The following AXIN2 variants were observed in gnomAD, a reference collection of about 807,000 sequenced individuals.
AXIN2 encodes the protein axin-2.
A neutral mutation model predicts 74.7 loss-of-function variants in AXIN2; 21 were observed. The ratio of observed to expected loss-of-function variants is 0.28; its 90% CI spans 0.20 to 0.40. AXIN2 has a LOEUF of 0.40. AXIN2 is among the 10% of genes least tolerant of loss of function. AXIN2 has a pLI of 1.00. For missense variants in AXIN2, 1,144 were observed against 1,111.1 expected (o/e 1.03, Z -0.42); for synonymous variants, 532 against 454.9 (o/e 1.17, Z -2.16).
chr17:65,538,477 C>T (rs1412288844), intron 4 of AXIN2, 134 bp from the exon 5 acceptor site: 18 of 1,206,370 alleles, frequency 1.5e-5, no homozygotes, highest in Non-Finnish European at 2.0e-5. Flanking sequence ...GGCAAGGCGG[C>T]CTGGGCTGCT....
At position 65,536,450 on chromosome 17, in the gene AXIN2, G is replaced by A. The variant is rs754506970; in HGVS notation, c.2011C>T (p.Arg671Cys). 28 of 1,612,746 alleles carry A rather than the reference G, an allele frequency of 1.7e-5. No homozygotes were observed. In the East Asian group the frequency reaches 2.7e-4, roughly 15 times the overall value. The change falls in exon 8 of 11, where the codon CGC becomes TGC. Residue 671 changes from arginine (R) to cysteine (C), a missense_variant. Transcript: ENST00000307078. ...HLWGGNSGHP[R>C]TTPRAHLFTQ... ...AACAGGTGGGCACGGGGGGTGGTGC[G>A]GGGGTGCCCGCTGTTGCCCCCCCAC...
chr17:65,541,592 A>G, intron 3 of AXIN2, 35 bp from the exon 4 acceptor site: 1 of 1,574,508 alleles, frequency 6.4e-7, no homozygotes, highest in South Asian at 1.1e-5. Context: ...CCACAGGCTT[A>G]CGAGGATGTT....
chr17:65,528,680 C>T lies in AXIN2; in HGVS notation c.*1296G>A, dbSNP rs1354758543. ...TGCATAATTTACAGTATAAGTAGAACAAAATGTCATGACAAAAGTCATTGA... is the reference window on the plus strand; with the variant it reads ...TGCATAATTTACAGTATAAGTAGAATAAAATGTCATGACAAAAGTCATTGA... On this transcript the variant is annotated 3_prime_UTR_variant, in exon 11 of 11. Transcript: ENST00000307078. 2 of 513,796 alleles carry T rather than the reference C, an allele frequency of 3.9e-6. No homozygotes were observed. The highest frequency in any genetic ancestry group is 1.6e-5 in the South Asian group (1 of 61,252). The allele number at this position is 513,796 out of a possible 1,614,324, so 31.8% of individuals were successfully genotyped here.
intron 5 of AXIN2, 23 bp downstream of exon 5, chr17:65,538,180 G>C (rs1345824006): frequency 1.2e-6 from 2 of 1,614,050 alleles, no homozygotes; most frequent in Non-Finnish European, 1.7e-6. Flanking sequence ...ACGGAAGCAG[G>C]AAGAAGGCCT....
At chr17:65,552,736 C>A (rs558840289) in intron 2 of AXIN2, among the ~76,000 whole-genome samples, 2 of 152,244 alleles carry the variant, frequency 1.3e-5, no homozygotes, top group Non-Finnish European at 1.5e-5. Flanking sequence ...CCAACAAAAA[C>A]AGAGAGCCCC....
At position 65,558,447 on chromosome 17, in the gene AXIN2, G is replaced by C. The variant is rs763012548; in HGVS notation, c.174C>G (p.Asn58Lys). 2 of 1,599,468 alleles carry C rather than the reference G, an allele frequency of 1.3e-6. No individual in the cohort carries two copies. Among genetic ancestry groups the C allele is most frequent in the Non-Finnish European group, 8.5e-7 (1 of 1,170,884 alleles). ...CCTCCGGCTCCCCCAACCCATCTTC[G>C]TTCCGCCTGGTGTTGGAAGAGACAG... Reference protein sequence around the residue: ...PMPVSSNTRRNEDGLGEPEGR... With the variant: ...PMPVSSNTRRKEDGLGEPEGR... Residue 58 changes from asparagine to lysine, a missense_variant, in exon 2 of 11, where the codon AAC becomes AAG. Coordinates refer to ENST00000307078, the MANE Select transcript of AXIN2 (RefSeq NM_004655.4).
intron 4 of AXIN2, among the ~76,000 whole-genome samples, chr17:65,538,672 A>C: frequency 5.3e-5 from 2 of 37,892 alleles, no homozygotes; most frequent in Non-Finnish European, 1.5e-4. Flanking sequence ...ACCATCAAAA[A>C]AAAAAAAAAA....
chr17:65,530,153 G>A, intron 10 of AXIN2, 51 bp from the exon 11 acceptor site: 1 of 1,610,454 alleles, frequency 6.2e-7, no homozygotes. Context: ...TTTCCACATT[G>A]TTGAAAAGAA....
chr17:65,559,712 G>A (rs979318880), intron 1 of AXIN2, among the ~76,000 whole-genome samples: 1 of 152,298 alleles, frequency 6.6e-6, no homozygotes, highest in East Asian at 1.9e-4. Context: ...AAAGAAAAAA[G>A]TCTTATCTAA....
At position 65,545,619 on chromosome 17, in the gene AXIN2, G is replaced by A. The variant is rs572568206; in HGVS notation, c.956+3901C>T. Among the ~76,000 whole-genome samples the A allele has an allele frequency of 1.0e-3, 155 of 152,164 alleles. No homozygotes were observed. In the East Asian group the frequency reaches 0.029, roughly 28 times the overall value. ...TCCAGTGAGCCAAGATCGCGCCACT[G>A]CACTCCAGCCTGGCAACAGAGTGAG... On this transcript the variant is annotated intron_variant, in intron 3 of 10. Coordinates refer to ENST00000307078, the MANE Select transcript of AXIN2 (RefSeq NM_004655.4).
Position 65,537,653 on chromosome 17 carries a change from G to A in AXIN2, c.1383C>T (p.Ser461=), listed in dbSNP as rs9914661. The A allele has an allele frequency of 2.4e-3, 3,777 of 1,568,738 alleles. 82 individuals are homozygous for A. In the African/African-American group the frequency reaches 0.044, roughly 18 times the overall value. ...GGTGGTCCGGGGAGCGGGAGCGGGG[G>A]CTATAGCGGCCTACGCCTGGAGACT... ...GCQSPGVGRY[S]PRSRSPDHHH... is the part of the protein sequence containing the mutation. Residue 461 remains serine (S), a synonymous_variant, in exon 6 of 11, where the codon AGC becomes AGT. Coordinates refer to ENST00000307078, the MANE Select transcript of AXIN2 (RefSeq NM_004655.4).
At chr17:65,549,194 G>C (rs750722038) in intron 3 of AXIN2, among the ~76,000 whole-genome samples, 2 of 152,210 alleles carry the variant, frequency 1.3e-5, no homozygotes, top group African/African-American at 2.4e-5. Context: ...GGGACAACCA[G>C]ATGATGACAA....
At chr17:65,530,736 G>A (rs1040273417) in intron 10 of AXIN2, among the ~76,000 whole-genome samples, 2 of 152,172 alleles carry the variant, frequency 1.3e-5, no homozygotes, top group Admixed American at 6.5e-5. Flanking sequence ...CCGAACAGAC[G>A]GCACTGGCCC....
At chr17:65,534,183 A>T in intron 9 of AXIN2, 104 bp from the exon 10 acceptor site, 1 of 1,398,152 alleles carries the variant, frequency 7.2e-7, no homozygotes, top group Admixed American at 1.7e-5. Context: ...GGGTATCCAA[A>T]CACTAGGGCT....
intron 10 of AXIN2, among the ~76,000 whole-genome samples, chr17:65,531,994 G>A (rs2043828368): frequency 6.6e-6 from 1 of 152,104 alleles, no homozygotes; most frequent in African/African-American, 2.4e-5. Flanking sequence ...GCCCTGCTGG[G>A]AGGGTGAGGC....
At chr17:65,533,796 A>G (rs2043861852) in intron 10 of AXIN2, 116 bp downstream of exon 10, 2 of 1,023,690 alleles carry the variant, frequency 2.0e-6, no homozygotes, top group Non-Finnish European at 3.0e-6. Context: ...GCGCCTGCTG[A>G]GCCCCCTCCC....
rs748004347 is a variant in AXIN2 at position 65,558,137 on chromosome 17, T to C, written c.484A>G (p.Lys162Glu). The C allele has an allele frequency of 6.2e-7, 1 of 1,614,214 alleles. No individual in the cohort carries two copies. The highest frequency in any genetic ancestry group is 8.5e-7 in the Non-Finnish European group (1 of 1,180,040). ...ATKTYIRDGIKKQQIDSIMFD... is the reference protein window; with the variant it reads ...ATKTYIRDGIEKQQIDSIMFD... ...ATGATGGAATCAATCTGCTGCTTCT[T>C]GATGCCATCTCTTATGTAGGTCTTG... The change falls in exon 2 of 11, where the codon AAG becomes GAG. Residue 162 changes from lysine to glutamate, a missense_variant. By Grantham distance (56) the Lys-to-Glu change is moderately conservative. Transcript: ENST00000307078.
chr17:65,531,171 G>A (rs532815666), intron 10 of AXIN2, among the ~76,000 whole-genome samples: 1 of 143,572 alleles, frequency 7.0e-6, no homozygotes, highest in Non-Finnish European at 1.5e-5. Flanking sequence ...TCAGGGTTAT[G>A]GTTGGGCTTT....
Position 65,558,294 on chromosome 17 carries a change from G to T in AXIN2, c.327C>A (p.Asp109Glu), listed in dbSNP as rs1176996295. 1.2e-6 allele frequency: 2 copies of T among 1,614,106 alleles called. No individual in the cohort carries two copies. The highest frequency in any genetic ancestry group is 2.7e-5 in the African/African-American group (2 of 74,940). Residue 109 changes from aspartate to glutamate, a missense_variant, in exon 2 of 11, where the codon GAC (aspartate) becomes GAA (glutamate). Asp to Glu is a conservative substitution (Grantham distance 45, BLOSUM62 2). Around this residue, in one of 4 missense-constraint regions of AXIN2, gnomAD observed 1,053 missense variants for 973.5 expected, o/e 1.08. Transcript: ENST00000307078. ...LEREKCVDTL[D>E]FWFACNGFRQ... is the part of the protein sequence containing the mutation. ...TGAATCCATTGCAGGCAAACCAGAA[G>T]TCTAAGGTATCCACGCATTTCTCCC...
Sources: gnomAD v4.1 joint callset for allele counts (sites outside exome capture counted in the v4.1 genomes callset) on GRCh38, gnomAD v4.1.1 for gene constraint, gnomAD v4.1.1 regional missense constraint, MANE v1.5 for transcripts, NCBI Gene and HGNC (gene_info 2026-07-23, HGNC 2026-07-21) for gene names.